Variants in LRSAM1 observed in about 807,000 individuals in gnomAD.
LRSAM1 encodes E3 ubiquitin-protein ligase LRSAM1.
A neutral mutation model predicts 118.1 loss-of-function variants in LRSAM1; 96 were observed. That is an observed-to-expected ratio of 0.81 (90% CI 0.69 to 0.96). The LOEUF (loss-of-function observed/expected upper bound fraction) is 0.96, where lower values mean the gene tolerates loss of function less well. LRSAM1 is among the 40% of genes least tolerant of loss of function. LRSAM1 has a pLI of 0.00. For synonymous variants in LRSAM1, 322 were observed against 364.2 expected (o/e 0.88, Z 1.32); for missense variants, 804 against 915.5 (o/e 0.88, Z 1.57).
chr9:127,501,457 C>A (rs1459611095), intron 25 of LRSAM1, among the ~76,000 whole-genome samples: 1 of 152,142 alleles, frequency 6.6e-6, no homozygotes, highest in Non-Finnish European at 1.5e-5. Flanking sequence ...TTTGGCCAGG[C>A]ATGGTGGCTC....
At chr9:127,490,089 A>AGGCT (rs774800333) in intron 19 of LRSAM1, among the ~76,000 whole-genome samples, 3 of 114,108 alleles carry the variant, frequency 2.6e-5, no homozygotes, top group African/African-American at 9.1e-5. Flanking sequence ...GCTGACCTTC[A>AGGCT]AGCCTTGGGC....
In LRSAM1 at chr9:127,481,163, T is replaced by C. The variant is rs1835521444; in HGVS notation, c.1044-20T>C. On this transcript the variant is annotated intron_variant, in intron 14 of 25. Coordinates refer to ENST00000300417, the MANE Select transcript of LRSAM1 (RefSeq NM_001005373.4). ...AGGCCTGCTGGTGACTGCCAGGACCTTTTATGATTTTCTCCACAGACAAAA... is the reference window on the plus strand; with the variant it reads ...AGGCCTGCTGGTGACTGCCAGGACCCTTTATGATTTTCTCCACAGACAAAA... 6.2e-7 allele frequency: 1 copy of C among 1,613,710 alleles called. No homozygotes were observed. The highest frequency in any genetic ancestry group is 1.1e-5 in the South Asian group (1 of 91,074).
intron 9 of LRSAM1, among the ~76,000 whole-genome samples, chr9:127,466,705 T>C (rs1331930936): frequency 6.6e-6 from 1 of 151,284 alleles, no homozygotes; most frequent in African/African-American, 2.4e-5. Context: ...TTCACTCACT[T>C]ATGTATTTAT....
intron 12 of LRSAM1, among the ~76,000 whole-genome samples, chr9:127,479,179 A>G (rs1835440175): frequency 6.6e-6 from 1 of 152,124 alleles, no homozygotes; most frequent in African/African-American, 2.4e-5. Context: ...AGAGGGGTTG[A>G]GCCCAGCACC....
At chr9:127,458,135 C>G (rs1209738508) in intron 6 of LRSAM1, among the ~76,000 whole-genome samples, 1 of 151,940 alleles carries the variant, frequency 6.6e-6, no homozygotes, top group Admixed American at 6.6e-5. Flanking sequence ...AATCCTAGCA[C>G]TTTGGGAGGC....
At chr9:127,466,501 TATA>T (rs548401371) in intron 9 of LRSAM1, among the ~76,000 whole-genome samples, 179 of 22,622 alleles carry the variant, frequency 7.9e-3, no homozygotes, top group African/African-American at 0.018. Flanking sequence ...TATATATATA[TATA>T]TTTTTTTTTT....
intron 22 of LRSAM1, 84 bp from the exon 23 acceptor site, chr9:127,495,880 A>AT: frequency 6.4e-7 from 1 of 1,554,264 alleles, no homozygotes; most frequent in Non-Finnish European, 8.7e-7. Flanking sequence ...ATTATGTTAT[A>AT]AATATTCAAA....
intron 22 of LRSAM1, 25 bp from the exon 23 acceptor site, chr9:127,495,939 C>G: frequency 6.2e-7 from 1 of 1,611,436 alleles, no homozygotes; most frequent in South Asian, 1.1e-5. Context: ...CCTTCCTGCT[C>G]ATGGTACACG....
In LRSAM1 at chr9:127,479,856, G is replaced by A. The variant is rs1286282042; in HGVS notation, c.921G>A (p.Glu307=). 3 of 1,612,138 alleles carry A rather than the reference G, an allele frequency of 1.9e-6. No homozygotes were observed. In the South Asian group the frequency reaches 3.3e-5, roughly 18 times the overall value. Residue 307 remains glutamate (E), a synonymous_variant, in exon 14 of 26, where the codon GAG becomes GAA. Coordinates refer to ENST00000300417, the MANE Select transcript of LRSAM1 (RefSeq NM_001005373.4). ...QTVKEEQSRL[E]QGLSEHQRHL... is the part of the protein sequence containing the mutation. ...GGCTGCAGGAGCAGTCCCGGCTGGA[G>A]CAGGGCCTGAGTGAGCACCAGCGCC...
intron 16 of LRSAM1, among the ~76,000 whole-genome samples, chr9:127,483,725 G>A (rs1297952891): frequency 6.6e-6 from 1 of 152,128 alleles, no homozygotes; most frequent in Non-Finnish European, 1.5e-5. Flanking sequence ...GTACAGTGGT[G>A]CGATCTTGGC....
Position 127,479,446 on chromosome 9 carries a change from A to G in LRSAM1, c.844A>G (p.Thr282Ala), listed in dbSNP as rs1187129909. The G allele has an allele frequency of 6.2e-7, 1 of 1,614,100 alleles. No homozygotes were observed. The highest frequency in any genetic ancestry group is 8.5e-7 in the Non-Finnish European group (1 of 1,179,986). ...RRLELGQREH[T>A]QLLQQSSSQK... is the part of the protein sequence containing the mutation. Reference sequence around the variant, plus strand: ...CCTGGAACTGGGGCAGCGGGAGCACACCCAGCTCCTTCAGCAGAGCAGCAG... The same window carrying G: ...CCTGGAACTGGGGCAGCGGGAGCACGCCCAGCTCCTTCAGCAGAGCAGCAG... Residue 282 changes from threonine to alanine, a missense_variant, in exon 13 of 26, where the codon ACC (threonine) becomes GCC (alanine). Physicochemically the swap from Thr to Ala is moderately conservative, Grantham distance 58 (BLOSUM62 0). Transcript: ENST00000300417.
intron 20 of LRSAM1, 50 bp downstream of exon 20, chr9:127,491,345 C>T (rs376316410): frequency 2.8e-6 from 4 of 1,435,084 alleles, no homozygotes; most frequent in Non-Finnish European, 3.9e-6. Flanking sequence ...GAGACCCCCA[C>T]CTGGTGCTCC....
Position 127,467,752 on chromosome 9 carries a change from G to C in LRSAM1, c.541G>C (p.Asp181His), listed in dbSNP as rs1255236822. 8.1e-6 allele frequency: 13 copies of C among 1,610,240 alleles called. No individual in the cohort carries two copies. The highest frequency in any genetic ancestry group is 1.1e-5 in the Non-Finnish European group (13 of 1,178,824). ...CTTGTGTCTGCAGATGCTGAGCCTT[G>C]ACGCCTCGGCCATGGTCTACCCGCC... ...HVRTLEMLSL[D>H]ASAMVYPPRE... Residue 181 changes from aspartate (D) to histidine (H), a missense_variant, in exon 10 of 26, where the codon GAC becomes CAC. Asp to His is a moderately conservative substitution (Grantham distance 81). Coordinates refer to ENST00000300417, the MANE Select transcript of LRSAM1 (RefSeq NM_001005373.4).
rs773546358 is a variant in LRSAM1, at chr9:127,491,312, G to C, written c.1503+17G>C. The C allele has an allele frequency of 1.1e-5, 17 of 1,604,924 alleles. No homozygotes were observed. ...TCACTCCAGGTATGTAGGGCTCCCT[G>C]CCCCTGCCCTCCTTCACGTGGTGAG... is the stretch of plus-strand genomic sequence containing the variant. On this transcript the variant is annotated intron_variant, in intron 20 of 25. Transcript: ENST00000300417.
At chr9:127,471,311 A>G (rs967575024) in intron 10 of LRSAM1, among the ~76,000 whole-genome samples, 5 of 151,316 alleles carry the variant, frequency 3.3e-5, no homozygotes, top group African/African-American at 1.2e-4. Context: ...CATCTCTACA[A>G]AAAATGCAAA....
chr9:127,497,118 C>G (rs1389135184), intron 23 of LRSAM1, 135 bp from the exon 24 acceptor site: 2 of 868,292 alleles, frequency 2.3e-6, no homozygotes, highest in Non-Finnish European at 3.7e-6. Context: ...TGGGCCCCGC[C>G]AGGCCCCGGA....
At chr9:127,473,651 C>A in intron 10 of LRSAM1, 150 bp from the exon 11 acceptor site, 1 of 1,046,876 alleles carries the variant, frequency 9.6e-7, no homozygotes, top group Non-Finnish European at 1.4e-6. Context: ...GGGCTAGGAC[C>A]GGTGAAAAAC....
At chr9:127,494,958 T>TTTG (rs1355717456) in intron 21 of LRSAM1, among the ~76,000 whole-genome samples, 2 of 152,172 alleles carry the variant, frequency 1.3e-5, no homozygotes, top group Admixed American at 6.5e-5. Context: ...TTTGTTTTGT[T>TTTG]TTGTTTTTTT....
chr9:127,473,950 C>T lies in LRSAM1; in HGVS notation c.750+19C>T. ...GTGGCAGGTAAGACAAGGCAGCCTG[C>T]TGCACGCATACATGTGTGTGTGTGC... On this transcript the variant is annotated intron_variant, in intron 11 of 25. Transcript: ENST00000300417. 2 of 1,614,132 alleles carry T rather than the reference C, an allele frequency of 1.2e-6. No homozygotes were observed. Among genetic ancestry groups the T allele is most frequent in the Non-Finnish European group, 1.7e-6 (2 of 1,180,004 alleles).
Sources: gnomAD v4.1 joint callset for allele counts (sites outside exome capture counted in the v4.1 genomes callset) on GRCh38, gnomAD v4.1.1 for gene constraint, MANE v1.5 for transcripts, NCBI Gene and HGNC (gene_info 2026-07-23, HGNC 2026-07-21) for gene names.